Variants in VANGL1 observed in about 807,000 individuals in gnomAD.
VANGL1 encodes VANGL planar cell polarity protein 1.
Under a neutral mutation model 48.4 loss-of-function variants are expected in VANGL1, and 18 were observed. The observed-to-expected ratio is 0.37, with a 90% CI of 0.26 to 0.55. VANGL1 has a LOEUF of 0.55. VANGL1 is among the 20% of genes least tolerant of loss of function. The pLI, the probability that VANGL1 is intolerant of heterozygous loss-of-function variation, is 0.81. For synonymous variants in VANGL1, 257 were observed against 261.8 expected, an observed-to-expected ratio of 0.98 and a Z score of 0.18; for missense variants, 667 against 675.8, an observed-to-expected ratio of 0.99 and a Z score of 0.14.
At chr1:115,681,140 C>T (rs977074989) in intron 4 of VANGL1, among the ~76,000 whole-genome samples, 2 of 152,120 alleles carry the variant, frequency 1.3e-5, no homozygotes, top group Non-Finnish European at 2.9e-5. Context: ...TTTCTTACCT[C>T]GAATGATTGT....
intron 4 of VANGL1, among the ~76,000 whole-genome samples, chr1:115,674,278 T>A (rs1251176815): frequency 6.6e-6 from 1 of 152,228 alleles, no homozygotes; most frequent in African/African-American, 2.4e-5. Context: ...GGTGTACATG[T>A]TCTGTCACGG....
chr1:115,687,128 T>C (rs1653664078), intron 7 of VANGL1, among the ~76,000 whole-genome samples: 1 of 139,126 alleles, frequency 7.2e-6, no homozygotes, highest in East Asian at 2.0e-4. Flanking sequence ...AAAAGTTTTC[T>C]GTATTGATTC....
rs535721418 is a variant in VANGL1 at position 115,659,756 on chromosome 1, C to T, written c.187C>T (p.Arg63Trp). Residue 63 changes from arginine (R) to tryptophan (W), a missense_variant, in exon 3 of 8, where the codon CGG (arginine) becomes TGG (tryptophan). Coordinates refer to ENST00000355485, the MANE Select transcript of VANGL1 (RefSeq NM_138959.3). ...GEPLLGNDST[R>W]TEEVQDDNWG... ...GCCCCTGTTGGGAAATGATTCTACT[C>T]GGACAGAGGAAGTTCAGGTAAGGAT... 11 of 1,614,026 alleles carry T rather than the reference C, an allele frequency of 6.8e-6. No individual in the cohort carries two copies. Among genetic ancestry groups the T allele is most frequent in the South Asian group, 4.4e-5 (4 of 91,076 alleles).
Position 115,682,516 on chromosome 1 carries a change from T to C in VANGL1, c.946+19T>C. The C allele has an allele frequency of 2.5e-6, 4 of 1,614,028 alleles. No homozygotes were observed. Among genetic ancestry groups the C allele is most frequent in the Non-Finnish European group, 3.4e-6 (4 of 1,179,984 alleles). ...GTAGATGGTATGTGCCTTGAAAGGG[T>C]GTCCGTGGTGCTCACAGGGGCACAG... is the stretch of plus-strand genomic sequence containing the variant. On this transcript the variant is annotated intron_variant, in intron 5 of 7. Transcript: ENST00000355485.
intron 1 of VANGL1, among the ~76,000 whole-genome samples, chr1:115,648,442 G>A (rs1652016946): frequency 6.6e-6 from 1 of 152,160 alleles, no homozygotes; most frequent in South Asian, 2.1e-4. Flanking sequence ...AGGGTGGTTG[G>A]TAGAGTTAGA....
At chr1:115,691,035 G>C (rs1011021264) in intron 7 of VANGL1, 84 bp from the exon 8 acceptor site, 1 of 1,597,168 alleles carries the variant, frequency 6.3e-7, no homozygotes, top group African/African-American at 1.3e-5. Flanking sequence ...GTTCTTTATA[G>C]ATGTGAGAGT....
chr1:115,669,744 C>G (rs1205228436), intron 4 of VANGL1, among the ~76,000 whole-genome samples: 2 of 152,134 alleles, frequency 1.3e-5, no homozygotes, highest in Non-Finnish European at 2.9e-5. Flanking sequence ...TATAAATTAC[C>G]CAGTCTTGGG....
rs1417399815 is a variant in VANGL1, at chr1:115,687,765, C to T, written c.1314+2238C>T. Among the ~76,000 whole-genome samples, 6 of 132,892 alleles carry T rather than the reference C, an allele frequency of 4.5e-5. 1 individual carries two copies. The highest frequency in any genetic ancestry group is 4.2e-4 in the East Asian group (2 of 4,718). 87.2% of individuals were successfully genotyped at this position (132,892 alleles called of 152,430 possible). On this transcript the variant is annotated intron_variant, in intron 7 of 7. Transcript: ENST00000355485. ...TGTGTGTGTGTAAACCACAGGCACA[C>T]GCCACCATGCCTGGCAATTTTTGTA...
chr1:115,679,773 T>C lies in VANGL1; in HGVS notation c.813-2591T>C, dbSNP rs575115896. 4.4e-4 allele frequency among the ~76,000 whole-genome samples: 67 copies of C among 152,342 alleles called. No individual in the cohort carries two copies. In the East Asian group the frequency reaches 0.011, roughly 25 times the overall value. Reference sequence around the variant, plus strand: ...TGATGATTGCTTTTTAATTTTTAAATTTAGATCAGGGTAATGCTTTTCTGT... The same window carrying C: ...TGATGATTGCTTTTTAATTTTTAAACTTAGATCAGGGTAATGCTTTTCTGT... On this transcript the variant is annotated intron_variant, in intron 4 of 7. Transcript: ENST00000355485.
chr1:115,645,313 T>C (rs1325783044), intron 1 of VANGL1, among the ~76,000 whole-genome samples: 1 of 152,098 alleles, frequency 6.6e-6, no homozygotes, highest in Non-Finnish European at 1.5e-5. Flanking sequence ...GATACAGAAG[T>C]TATATGCCAT....
chr1:115,669,685 G>A (rs1216058871), intron 4 of VANGL1, among the ~76,000 whole-genome samples: 1 of 152,076 alleles, frequency 6.6e-6, no homozygotes, highest in Admixed American at 6.5e-5. Context: ...ATGATTGTGA[G>A]GCCTCCCCAG....
rs1465174750 is a variant in VANGL1 at position 115,697,135 on chromosome 1, C to G, written c.*5756C>G. The G allele has an allele frequency of 6.6e-6, 1 of 152,152 alleles. No individual in the cohort carries two copies. The highest frequency in any genetic ancestry group is 2.4e-5 in the African/African-American group (1 of 41,432). 9.4% of individuals were successfully genotyped at this position (152,152 alleles called of 1,614,324 possible). A position where few individuals can be genotyped will look rare whatever the true frequency, so the allele number is the denominator to read the frequency against. On this transcript the variant is annotated 3_prime_UTR_variant, in exon 8 of 8. Transcript: ENST00000355485. The stretch of plus-strand genomic sequence containing the variant: ...AAGCTTCATCTGTGGGGACCAGAGA[C>G]TTGTTGCTCAGGGAGTTAGTGATGG...
chr1:115,653,950 C>G (rs978015579), intron 2 of VANGL1, among the ~76,000 whole-genome samples: 1 of 152,166 alleles, frequency 6.6e-6, no homozygotes, highest in African/African-American at 2.4e-5. Flanking sequence ...CTCCAACTGA[C>G]TGCAGCATAG....
chr1:115,672,978 A>G (rs12728496), intron 4 of VANGL1, among the ~76,000 whole-genome samples: 30,929 of 152,182 alleles, frequency 0.2, 3,758 homozygotes, highest in East Asian at 0.37. Context: ...TCTGGGAAGC[A>G]GCAGGTGGGT....
chr1:115,665,376 G>A (rs907889150), intron 4 of VANGL1, among the ~76,000 whole-genome samples: 9 of 152,212 alleles, frequency 5.9e-5, no homozygotes, highest in African/African-American at 2.2e-4. Context: ...GCTTGGGGCA[G>A]GGTAGGCACT....
intron 6 of VANGL1, 38 bp from the exon 7 acceptor site, chr1:115,685,255 G>A (rs1653553486): frequency 1.9e-6 from 3 of 1,607,946 alleles, no homozygotes; most frequent in Admixed American, 1.7e-5. Flanking sequence ...CCTGTGGCAG[G>A]CACCATCCTG....
intron 7 of VANGL1, among the ~76,000 whole-genome samples, chr1:115,687,989 G>GACAC (rs370838897): frequency 8.6e-6 from 1 of 116,808 alleles, no homozygotes; most frequent in Non-Finnish European, 1.9e-5. Context: ...TAGATAGATA[G>GACAC]ACACATAGAT....
rs904299370 is a variant in VANGL1, at chr1:115,642,243, G to A, written c.-138+157G>A. On this transcript the variant is annotated intron_variant, in intron 1 of 7. Coordinates refer to ENST00000355485, the MANE Select transcript of VANGL1 (RefSeq NM_138959.3). ...CCCCGGGTGGCCGGCTCCCGCCTCG[G>A]GCCGGGGGCTCCCTCCCCTCCTCCG... Among the ~76,000 whole-genome samples, 6 of 151,992 alleles carry A rather than the reference G, an allele frequency of 3.9e-5. 1 individual carries two copies. Among genetic ancestry groups the A allele is most frequent in the Admixed American group, 3.9e-4 (6 of 15,290 alleles).
At chr1:115,688,379 T>C (rs1417393132) in intron 7 of VANGL1, among the ~76,000 whole-genome samples, 1 of 138,952 alleles carries the variant, frequency 7.2e-6, no homozygotes, top group Non-Finnish European at 1.6e-5. Context: ...TCAGATTTTA[T>C]TGGCACAGAG....
Sources: allele counts gnomAD v4.1 joint callset (sites outside exome capture counted in the v4.1 genomes callset), GRCh38; gene constraint gnomAD v4.1.1; transcripts MANE v1.5; gene names NCBI Gene and HGNC (gene_info 2026-07-23, HGNC 2026-07-21).